Variants in CPLANE1 observed in about 807,000 individuals in gnomAD.
CPLANE1 encodes ciliogenesis and planar polarity effector 1.
Under a neutral mutation model 362.5 loss-of-function variants are expected in CPLANE1, and 263 were observed. The ratio of observed to expected loss-of-function variants is 0.73; its 90% CI spans 0.66 to 0.80. The LOEUF is 0.80. CPLANE1 is among the 30% of genes least tolerant of loss of function. The pLI, the probability that CPLANE1 is intolerant of heterozygous loss-of-function variation, is 0.00. For missense variants in CPLANE1, 3,461 were observed against 3,793.4 expected (o/e 0.91, Z 2.30); for synonymous variants, 1,212 against 1,302.6 (o/e 0.93, Z 1.50).
Position 37,164,308 on chromosome 5 carries a change from C to A in CPLANE1, c.7553G>T (p.Gly2518Val), listed in dbSNP as rs781025101. 8 of 1,612,954 alleles carry A rather than the reference C, an allele frequency of 5.0e-6. No individual in the cohort carries two copies. The highest frequency in any genetic ancestry group is 5.1e-6 in the Non-Finnish European group (6 of 1,179,126). The change falls in exon 37 of 53, where the codon GGT (glycine) becomes GTT (valine). Residue 2518 changes from glycine (G) to valine (V), a missense_variant. Physicochemically the swap from Gly to Val is moderately radical, Grantham distance 109. This residue lies in a region of CPLANE1 where 3,380 missense variants were observed against 3,666.1 expected (regional missense o/e 0.92). Coordinates refer to ENST00000651892, the MANE Select transcript of CPLANE1 (RefSeq NM_001384732.1). ...GTCGAAGTCATCCAAAGGATGGGAA[C>A]CACAATGTTCTTGTTGTTCCTAAAT... Reference protein sequence around the residue: ...KKPKEQQEHCGSHPLDDFDVP... With the variant: ...KKPKEQQEHCVSHPLDDFDVP...
In CPLANE1 at chr5:37,138,722, G is replaced by A. The variant is rs148005445; in HGVS notation, c.8790C>T (p.Ser2930=). The change falls in exon 46 of 53, where the codon TCC becomes TCT. Residue 2930 remains serine (S), a splice_region_variant and synonymous_variant. Transcript: ENST00000651892. The part of the protein sequence containing the change: ...LGLTEQAMGT[S]RIQHYSGRHS... The stretch of plus-strand genomic sequence containing the variant: ...AAAATGAATTATTCAATGATTACCT[G>A]GAGGTGCCCATAGCTTGTTCTGTTA... The A allele has an allele frequency of 2.0e-3, 3,245 of 1,604,690 alleles. 3 individuals carry two copies. Among genetic ancestry groups the A allele is most frequent in the Non-Finnish European group, 2.4e-3 (2,832 of 1,177,522 alleles).
At chr5:37,195,291 A>G (rs1230330568) in intron 21 of CPLANE1, among the ~76,000 whole-genome samples, 2 of 152,176 alleles carry the variant, frequency 1.3e-5, no homozygotes, top group Non-Finnish European at 2.9e-5. Flanking sequence ...ATAACTGGAC[A>G]TAGACCACGA....
the CPLANE1 span, among the ~76,000 whole-genome samples, chr5:37,083,148 T>C: frequency 6.6e-6 from 1 of 152,146 alleles, no homozygotes; most frequent in Non-Finnish European, 1.5e-5. Flanking sequence ...CCTGGCAGAC[T>C]TGCTGGGTGG....
chr5:37,207,660 T>C (rs564756708), intron 16 of CPLANE1, among the ~76,000 whole-genome samples: 170 of 152,334 alleles, frequency 1.1e-3, no homozygotes, highest in Non-Finnish European at 1.7e-3. Flanking sequence ...AAATCCATGG[T>C]TCTACGACTG....
intron 49 of CPLANE1, 63 bp from the exon 50 acceptor site, chr5:37,120,403 A>G: frequency 1.4e-6 from 2 of 1,445,408 alleles, no homozygotes; most frequent in Non-Finnish European, 1.9e-6. Context: ...AAACTTTAAC[A>G]TTTCAAAAAG....
intron 46 of CPLANE1, among the ~76,000 whole-genome samples, chr5:37,137,062 G>A (rs1208622181): frequency 1.4e-4 from 21 of 152,204 alleles, no homozygotes; most frequent in Non-Finnish European, 1.5e-5. Flanking sequence ...TTTCTCCCCA[G>A]AAAATGGGTT....
In CPLANE1 at chr5:37,183,502, T is replaced by C. The variant is rs1783210633; in HGVS notation, c.4679A>G (p.Tyr1560Cys). ...ATAAGGTAGGTCTCTTTCAAGAATGTAACTCAAAAACAGATCAAGGAATTT... is the reference window on the plus strand; with the variant it reads ...ATAAGGTAGGTCTCTTTCAAGAATGCAACTCAAAAACAGATCAAGGAATTT... Reference protein sequence around the residue: ...YIKFLDLFLSYILERDLPYSR... With the variant: ...YIKFLDLFLSCILERDLPYSR... Residue 1560 changes from tyrosine (Y) to cysteine (C), a missense_variant, in exon 26 of 53, where the codon TAC (tyrosine) becomes TGC (cysteine). Around this residue, in one of 2 missense-constraint regions of CPLANE1, gnomAD observed 3,380 missense variants for 3,666.1 expected, o/e 0.92. Coordinates refer to ENST00000651892, the MANE Select transcript of CPLANE1 (RefSeq NM_001384732.1). The C allele has an allele frequency of 1.2e-6, 2 of 1,613,502 alleles. No individual in the cohort carries two copies. Among genetic ancestry groups the C allele is most frequent in the Admixed American group, 3.3e-5 (2 of 59,982 alleles).
intron 51 of CPLANE1, among the ~76,000 whole-genome samples, chr5:37,111,071 T>C (rs1164319619): frequency 6.6e-6 from 1 of 151,162 alleles, no homozygotes; most frequent in Non-Finnish European, 1.5e-5. Flanking sequence ...CCTCCCAAAG[T>C]GCTGGGATTA....
chr5:37,222,221 T>A (rs146662649), intron 14 of CPLANE1, among the ~76,000 whole-genome samples: 176 of 152,318 alleles, frequency 1.2e-3, no homozygotes, highest in African/African-American at 4.2e-3. Context: ...AAAATGTGAC[T>A]ATGTTCTGAT....
chr5:37,123,452 C>T (rs902718530), intron 47 of CPLANE1, among the ~76,000 whole-genome samples: 4 of 152,062 alleles, frequency 2.6e-5, no homozygotes, highest in Admixed American at 6.6e-5. Flanking sequence ...ATCCCTTTAC[C>T]CAAATAGAAG....
the CPLANE1 span, among the ~76,000 whole-genome samples, chr5:37,078,227 G>A: frequency 6.6e-6 from 1 of 152,050 alleles, no homozygotes; most frequent in African/African-American, 2.4e-5. Context: ...CCCCAGTGGC[G>A]TGTTGTTCCC....
intron 2 of CPLANE1, among the ~76,000 whole-genome samples, chr5:37,246,823 G>A (rs770746899): frequency 5.9e-5 from 9 of 152,084 alleles, no homozygotes; most frequent in Non-Finnish European, 1.3e-4. Flanking sequence ...CAAGACAATC[G>A]CTTGAACCTG....
At chr5:37,084,746 G>A in the CPLANE1 span, among the ~76,000 whole-genome samples, 16 of 151,672 alleles carry the variant, frequency 1.1e-4, no homozygotes, top group East Asian at 3.9e-4. Context: ...ACTCCAGCCC[G>A]GGCAACAGAG....
the CPLANE1 span, among the ~76,000 whole-genome samples, chr5:37,084,058 C>G: frequency 1.3e-5 from 2 of 152,258 alleles, no homozygotes; most frequent in South Asian, 4.1e-4. Context: ...TAAAGGAAAA[C>G]CTATCAGATT....
At chr5:37,122,873 T>C (rs1328545678) in intron 47 of CPLANE1, among the ~76,000 whole-genome samples, 1 of 151,988 alleles carries the variant, frequency 6.6e-6, no homozygotes, top group East Asian at 1.9e-4. Context: ...AGAGCAAGGC[T>C]CCGTTTCAAA....
chr5:37,227,208 T>C (rs1561667878), intron 11 of CPLANE1, 35 bp downstream of exon 11: 1 of 1,542,988 alleles, frequency 6.5e-7, no homozygotes. Context: ...AAAGTCATAA[T>C]TGTTCCAAGT....
intron 47 of CPLANE1, among the ~76,000 whole-genome samples, chr5:37,122,850 C>T (rs908312847): frequency 6.6e-6 from 1 of 152,004 alleles, no homozygotes; most frequent in African/African-American, 2.4e-5. Flanking sequence ...CACTGCACTC[C>T]AGCCTGGGCA....
chr5:37,211,614 A>C (rs559559262), intron 16 of CPLANE1: 14 of 859,734 alleles, frequency 1.6e-5, no homozygotes, highest in Admixed American at 8.6e-5. Flanking sequence ...TGAAAGTGAA[A>C]TATATCTGGA....
chr5:37,180,740 TC>T, intron 27 of CPLANE1, 116 bp downstream of exon 27: 1 of 897,558 alleles, frequency 1.1e-6, no homozygotes. Context: ...TGCCTGCTCC[TC>T]TACTTCAAAA....
Sources: gnomAD v4.1 joint callset for allele counts (sites outside exome capture counted in the v4.1 genomes callset) on GRCh38, gnomAD v4.1.1 for gene constraint, gnomAD v4.1.1 regional missense constraint, MANE v1.5 for transcripts, NCBI Gene and HGNC (gene_info 2026-07-23, HGNC 2026-07-21) for gene names.